The following MYO16 variants were observed in gnomAD, a reference collection of about 807,000 sequenced individuals.
MYO16 encodes unconventional myosin-XVI.
A neutral mutation model predicts 205.3 loss-of-function variants in MYO16; 94 were observed. The ratio of observed to expected loss-of-function variants is 0.46; its 90% confidence interval spans 0.39 to 0.54. The LOEUF (loss-of-function observed/expected upper bound fraction) is 0.54. Among genes scored for constraint, MYO16 ranks in the 20% least tolerant of loss-of-function variants. The pLI is 0.00. For missense variants in MYO16, 2,315 were observed against 2,387.5 expected (o/e 0.97, Z 0.63); for synonymous variants, 988 against 954.0 (o/e 1.04, Z -0.66).
intron 4 of MYO16, among the ~76,000 whole-genome samples, chr13:108,741,834 G>A (rs1055240749): frequency 1.3e-5 from 2 of 152,170 alleles, no homozygotes; most frequent in African/African-American, 4.8e-5. Flanking sequence ...AAAATGATGG[G>A]TTTCTGCAAT....
intron 33 of MYO16, among the ~76,000 whole-genome samples, chr13:109,172,025 C>T (rs536747406): frequency 2.6e-5 from 4 of 152,318 alleles, no homozygotes; most frequent in South Asian, 4.1e-4. Context: ...GCTCTGACTC[C>T]GGTGCCTTGT....
At chr13:108,631,751 G>A (rs1339429455) in intron 1 of MYO16, among the ~76,000 whole-genome samples, 1 of 152,156 alleles carries the variant, frequency 6.6e-6, no homozygotes, top group Non-Finnish European at 1.5e-5. Flanking sequence ...TGAAAAAAAT[G>A]CATCTTGAGC....
intron 20 of MYO16, among the ~76,000 whole-genome samples, chr13:108,984,881 T>G (rs1346522243): frequency 6.6e-6 from 1 of 152,204 alleles, no homozygotes; most frequent in African/African-American, 2.4e-5. Flanking sequence ...TGGGCTAACT[T>G]GATTCCGAGT....
rs549305684 is a variant in MYO16, at chr13:108,950,122, A to G, written c.1926-7566A>G. On this transcript the variant is annotated intron_variant, in intron 16 of 34. Transcript: ENST00000457511. ...CAAAAGAAGGAAATATTTGGGATCC[A>G]TGACTAAGCAAAAAGAACTTAAGCT... is the stretch of plus-strand genomic sequence containing the variant. Among the ~76,000 whole-genome samples, 5 of 152,358 alleles carry G rather than the reference A, an allele frequency of 3.3e-5. No homozygotes were observed. In the East Asian group the frequency reaches 9.6e-4, roughly 29 times the overall value.
intron 24 of MYO16, among the ~76,000 whole-genome samples, chr13:109,049,485 A>G (rs542764475): frequency 2.6e-5 from 4 of 152,308 alleles, no homozygotes; most frequent in South Asian, 2.1e-4. Flanking sequence ...GCCTGACCAC[A>G]TGATTCAGGG....
At chr13:108,645,849 G>C (rs1254562254) in intron 1 of MYO16, among the ~76,000 whole-genome samples, 1 of 152,134 alleles carries the variant, frequency 6.6e-6, no homozygotes, top group Non-Finnish European at 1.5e-5. Context: ...CCAAAGACTT[G>C]ACGCTGGATC....
intron 19 of MYO16, 29 bp downstream of exon 19, chr13:108,962,524 T>C (rs1485230732): frequency 7.0e-7 from 1 of 1,438,736 alleles, no homozygotes; most frequent in South Asian, 1.2e-5. Context: ...AACATCTTTG[T>C]GCAATTTAGA....
chr13:108,700,697 C>T (rs536187789), intron 2 of MYO16, among the ~76,000 whole-genome samples: 2 of 152,284 alleles, frequency 1.3e-5, no homozygotes, highest in East Asian at 3.9e-4. Context: ...TAGAAAACAA[C>T]CAGCAGGAAC....
intron 34 of MYO16, among the ~76,000 whole-genome samples, chr13:109,180,820 A>G (rs1879419478): frequency 6.6e-6 from 1 of 152,218 alleles, no homozygotes; most frequent in Admixed American, 6.5e-5. Flanking sequence ...TTAGAGATGC[A>G]TCTACTTTAC....
chr13:108,760,934 T>G (rs1232655275), intron 4 of MYO16, among the ~76,000 whole-genome samples: 2 of 152,226 alleles, frequency 1.3e-5, no homozygotes, highest in Non-Finnish European at 2.9e-5. Context: ...GTGTCTGGCT[T>G]ATTTCACCTA....
At chr13:109,154,583 C>T (rs148672359) in intron 32 of MYO16, among the ~76,000 whole-genome samples, 329 of 152,068 alleles carry the variant, frequency 2.2e-3, no homozygotes, top group African/African-American at 7.7e-3. Flanking sequence ...AGGACAGGCA[C>T]CACTAGCTTA....
rs1884846025 is a variant in MYO16, at chr13:108,991,924, T to A, written c.2370-452T>A. Among the ~76,000 whole-genome samples the A allele has an allele frequency of 3.3e-5, 5 of 152,222 alleles. No individual in the cohort carries two copies. In the South Asian group the frequency reaches 1.0e-3, roughly 31 times the overall value. On this transcript the variant is annotated intron_variant, in intron 20 of 34. Transcript: ENST00000457511. ...GTTTTTGGTTTTTTTGGCCTCAAAT[T>A]CTTGTTTTTTAAAATTTTTAAGTTT...
At chr13:108,898,860 A>G (rs1367130372) in intron 15 of MYO16, among the ~76,000 whole-genome samples, 2 of 152,218 alleles carry the variant, frequency 1.3e-5, no homozygotes, top group Non-Finnish European at 2.9e-5. Context: ...ATATAAATAC[A>G]ATTGTAGGTA....
At chr13:108,869,731 TAAAAAAA>T (rs68025820) in intron 12 of MYO16, among the ~76,000 whole-genome samples, 3 of 67,024 alleles carry the variant, frequency 4.5e-5, no homozygotes, top group Non-Finnish European at 8.4e-5. Context: ...ACTCCGTTTC[TAAAAAAA>T]AAAAAAAAAA....
At chr13:109,034,420 C>T (rs936149044) in intron 23 of MYO16, among the ~76,000 whole-genome samples, 2 of 152,126 alleles carry the variant, frequency 1.3e-5, no homozygotes, top group African/African-American at 4.8e-5. Flanking sequence ...TTATAAGGAG[C>T]TCTTTCCCCT....
chr13:109,093,112 T>C (rs775739755), intron 27 of MYO16, among the ~76,000 whole-genome samples: 4 of 152,184 alleles, frequency 2.6e-5, no homozygotes, highest in Non-Finnish European at 5.9e-5. Context: ...ACTTGACGAA[T>C]GGGACTCATG....
At chr13:108,610,306 T>C (rs1240217445) in intron 1 of MYO16, among the ~76,000 whole-genome samples, 1 of 152,154 alleles carries the variant, frequency 6.6e-6, no homozygotes, top group Non-Finnish European at 1.5e-5. Flanking sequence ...TTCCATGAAA[T>C]TGATTAAGTT....
the MYO16 span, among the ~76,000 whole-genome samples, chr13:108,530,686 G>T: frequency 6.6e-6 from 1 of 152,174 alleles, no homozygotes; most frequent in East Asian, 1.9e-4. Context: ...AGTTTTACTT[G>T]TGTTTATGTT....
intron 32 of MYO16, among the ~76,000 whole-genome samples, chr13:109,150,072 G>C (rs1877569544): frequency 1.3e-5 from 2 of 152,116 alleles, no homozygotes. Flanking sequence ...TTAAATGGGT[G>C]GTGGGCCCTC....
Sources: gnomAD v4.1 joint callset for allele counts (sites outside exome capture counted in the v4.1 genomes callset) on GRCh38, gnomAD v4.1.1 for gene constraint, MANE v1.5 for transcripts, NCBI Gene and HGNC (gene_info 2026-07-23, HGNC 2026-07-21) for gene names.